The following XRRA1 variants were observed in gnomAD, a reference collection of about 807,000 sequenced individuals.
The protein encoded by XRRA1 is X-ray radiation resistance associated 1, also known as X-ray radiation resistance-associated protein 1.
XRRA1 carries 69 observed loss-of-function variants against 80.2 expected under a neutral mutation model. The observed-to-expected ratio is 0.86, with a 90% CI of 0.71 to 1.05. The LOEUF (loss-of-function observed/expected upper bound fraction) is 1.05, where lower values mean the gene tolerates loss of function less well. Ranked by LOEUF, XRRA1 falls within the 50% of genes least tolerant of loss-of-function variation. XRRA1 has a pLI of 0.00. For missense variants in XRRA1, 967 were observed against 976.4 expected, an observed-to-expected ratio of 0.99 and a Z score of 0.13; for synonymous variants, 348 against 389.9, an observed-to-expected ratio of 0.89 and a Z score of 1.27.
intron 10 of XRRA1, chr11:74,864,181 GT>G (rs1382944171): frequency 1.3e-5 from 2 of 152,090 alleles, no homozygotes; most frequent in Non-Finnish European, 2.9e-5. Flanking sequence ...AAATTCAAAA[GT>G]TTCACTCCTG....
At chr11:74,881,943 T>A (rs1395262375) in intron 10 of XRRA1, among the ~76,000 whole-genome samples, 1,554 of 149,328 alleles carry the variant, frequency 0.01, 29 homozygotes, top group African/African-American at 0.037. Context: ...CCTTAACATT[T>A]TTTCCTTCAT....
chr11:74,844,119 T>C, intron 17 of XRRA1, 49 bp downstream of exon 17: 1 of 1,556,834 alleles, frequency 6.4e-7, no homozygotes, highest in African/African-American at 1.4e-5. Flanking sequence ...TCTGTAATTG[T>C]GGGCGGTACT....
intron 10 of XRRA1, among the ~76,000 whole-genome samples, chr11:74,884,054 C>T (rs1226303704): frequency 1.3e-5 from 2 of 152,060 alleles, no homozygotes; most frequent in East Asian, 3.9e-4. Flanking sequence ...CAAAAATTAG[C>T]TAGGTGTGTT....
intron 7 of XRRA1, among the ~76,000 whole-genome samples, chr11:74,925,221 C>T (rs543121806): frequency 1.3e-5 from 2 of 152,346 alleles, no homozygotes; most frequent in East Asian, 1.9e-4. Context: ...ACTGGCAAAA[C>T]CAAGACAAAA....
intron 10 of XRRA1, among the ~76,000 whole-genome samples, chr11:74,891,930 C>A (rs1010096684): frequency 6.6e-6 from 1 of 152,182 alleles, no homozygotes; most frequent in Non-Finnish European, 1.5e-5. Flanking sequence ...GAAGAACCTT[C>A]CATGCTCATG....
intron 11 of XRRA1, among the ~76,000 whole-genome samples, chr11:74,859,888 T>G (rs2041964385): frequency 6.6e-6 from 1 of 152,048 alleles, no homozygotes; most frequent in Admixed American, 6.6e-5. Flanking sequence ...CATGTTCTTT[T>G]CATACAACCC....
chr11:74,844,270 ATTC>A lies in XRRA1; in HGVS notation c.1938_1940del (p.Lys646del). The A allele has an allele frequency of 6.2e-7, 1 of 1,612,692 alleles. No individual in the cohort carries two copies. Among genetic ancestry groups the A allele is most frequent in the Admixed American group, 1.7e-5 (1 of 59,986 alleles). ...TCAGCATTTGTTGCAGGGCTTGTGCATTCTTCTGGATTCCTAGGGCAAGAAGGC... is the reference window on the plus strand; with the variant it reads ...TCAGCATTTGTTGCAGGGCTTGTGCATTCTGGATTCCTAGGGCAAGAAGGC... On this transcript the variant is annotated inframe_deletion, in exon 17 of 19. Coordinates refer to ENST00000684022, the MANE Select transcript of XRRA1 (RefSeq NM_001378157.1).
intron 10 of XRRA1, among the ~76,000 whole-genome samples, chr11:74,877,771 G>T (rs917623588): frequency 6.6e-6 from 1 of 151,918 alleles, no homozygotes; most frequent in Non-Finnish European, 1.5e-5. Flanking sequence ...TTTCATCCAT[G>T]TCCCTACAAA....
intron 11 of XRRA1, among the ~76,000 whole-genome samples, chr11:74,861,570 G>A (rs997692762): frequency 6.6e-6 from 1 of 152,180 alleles, no homozygotes; most frequent in Non-Finnish European, 1.5e-5. Context: ...ACTGTGGTGA[G>A]TTGTATAATT....
In XRRA1 at chr11:74,939,150, G is replaced by A. The variant is rs570692130; in HGVS notation, c.94+1635C>T. ...GTGGATCACTTGAGGTCAGGAGTTC[G>A]AGACCAGTCTGGCCATCATGGTGAA... On this transcript the variant is annotated intron_variant, in intron 3 of 18. Transcript: ENST00000684022. Among the ~76,000 whole-genome samples the A allele has an allele frequency of 2.6e-4, 40 of 152,192 alleles. No individual in the cohort carries two copies. In the South Asian group the frequency reaches 7.5e-3, roughly 28 times the overall value.
chr11:74,927,351 G>T, intron 7 of XRRA1, 40 bp downstream of exon 7: 2 of 1,211,984 alleles, frequency 1.7e-6, no homozygotes, highest in Non-Finnish European at 2.4e-6. Flanking sequence ...CCTTACAGGG[G>T]AACTTGGTGG....
At chr11:74,880,383 T>G (rs1372023993) in intron 10 of XRRA1, among the ~76,000 whole-genome samples, 3 of 152,030 alleles carry the variant, frequency 2.0e-5, no homozygotes, top group Non-Finnish European at 2.9e-5. Flanking sequence ...TAGCGGTCTA[T>G]CAATTTTGTT....
At chr11:74,860,901 A>G (rs150971324) in intron 11 of XRRA1, among the ~76,000 whole-genome samples, 9 of 152,334 alleles carry the variant, frequency 5.9e-5, no homozygotes, top group Non-Finnish European at 1.0e-4. Context: ...AGTTTAGGAT[A>G]ATGAGATGAC....
At chr11:74,893,015 A>G (rs979467031) in intron 10 of XRRA1, among the ~76,000 whole-genome samples, 13 of 152,212 alleles carry the variant, frequency 8.5e-5, no homozygotes, top group African/African-American at 3.1e-4. Flanking sequence ...TCAGGGATCT[A>G]GAACTAGAAA....
chr11:74,854,745 C>A (rs528007686), intron 12 of XRRA1, among the ~76,000 whole-genome samples: 1 of 152,058 alleles, frequency 6.6e-6, no homozygotes, highest in African/African-American at 2.4e-5. Flanking sequence ...TCTGGCTGGG[C>A]GCGGTGGCTC....
chr11:74,853,987 T>TG (rs747431727), intron 12 of XRRA1, among the ~76,000 whole-genome samples: 13 of 150,638 alleles, frequency 8.6e-5, no homozygotes, highest in African/African-American at 2.4e-4. Flanking sequence ...ATGTAGATAC[T>TG]GGGGGGGCGG....
chr11:74,921,749 C>T (rs942275851), intron 7 of XRRA1, among the ~76,000 whole-genome samples: 1 of 152,174 alleles, frequency 6.6e-6, no homozygotes, highest in African/African-American at 2.4e-5. Flanking sequence ...CCTCCCCTAA[C>T]TTTGACTGCT....
At chr11:74,850,083 T>C (rs1249190046) in intron 14 of XRRA1, among the ~76,000 whole-genome samples, 2 of 152,224 alleles carry the variant, frequency 1.3e-5, no homozygotes, top group Non-Finnish European at 2.9e-5. Flanking sequence ...CATCTGTGTT[T>C]ATTTAACTCA....
intron 10 of XRRA1, among the ~76,000 whole-genome samples, chr11:74,892,008 T>C (rs993498778): frequency 7.2e-4 from 110 of 152,174 alleles, no homozygotes; most frequent in African/African-American, 2.5e-3. Context: ...CAATGCCATC[T>C]GCATCAAGCT....
Sources: gnomAD v4.1 joint callset for allele counts (sites outside exome capture counted in the v4.1 genomes callset) on GRCh38, gnomAD v4.1.1 for gene constraint, MANE v1.5 for transcripts, NCBI Gene and HGNC (gene_info 2026-07-23, HGNC 2026-07-21) for gene names.